Variants in ITPR2 observed in about 807,000 individuals in gnomAD.
ITPR2 encodes the protein inositol 1,4,5-trisphosphate receptor type 2.
Under a neutral mutation model 317.1 loss-of-function variants are expected in ITPR2, and 207 were observed. The ratio of observed to expected loss-of-function variants is 0.65; its 90% CI spans 0.58 to 0.73. The LOEUF is 0.73. Ranked by LOEUF, ITPR2 falls within the 30% of genes least tolerant of loss-of-function variation. ITPR2 has a pLI of 0.00. For synonymous variants in ITPR2, 1,156 were observed against 1,149.1 expected (o/e 1.01, Z -0.12); for missense variants, 2,613 against 3,284.0 (o/e 0.80, Z 4.99).
chr12:26,544,180 A>T (rs1944332256), intron 37 of ITPR2, among the ~76,000 whole-genome samples: 2 of 152,204 alleles, frequency 1.3e-5, no homozygotes, highest in South Asian at 2.1e-4. Flanking sequence ...ACAGAAAATT[A>T]AATTTTCCTT....
intron 48 of ITPR2, among the ~76,000 whole-genome samples, chr12:26,429,552 C>T (rs572615241): frequency 6.6e-6 from 1 of 152,262 alleles, no homozygotes; most frequent in Admixed American, 6.5e-5. Context: ...TCTCAAAGAG[C>T]CATAGAGTAA....
At chr12:26,435,193 C>T (rs1422693780) in intron 48 of ITPR2, among the ~76,000 whole-genome samples, 1 of 152,164 alleles carries the variant, frequency 6.6e-6, no homozygotes, top group African/African-American at 2.4e-5. Context: ...CTCCCATTTC[C>T]TTTTCTGCCC....
intron 21 of ITPR2, among the ~76,000 whole-genome samples, chr12:26,649,773 CTAGA>C (rs71069259): frequency 0.33 from 48,344 of 147,230 alleles, 7,841 homozygotes; most frequent in Non-Finnish European, 0.35. Context: ...GATAGATAGA[CTAGA>C]TAGATAGATA....
chr12:26,784,199 CTT>C (rs1950147129), intron 2 of ITPR2, among the ~76,000 whole-genome samples: 1 of 151,066 alleles, frequency 6.6e-6, no homozygotes, highest in African/African-American at 2.4e-5. Flanking sequence ...TTTCACAACT[CTT>C]CAGTACAGCT....
intron 1 of ITPR2, among the ~76,000 whole-genome samples, chr12:26,824,558 A>C (rs998956621): frequency 1.3e-5 from 2 of 152,216 alleles, no homozygotes; most frequent in African/African-American, 4.8e-5. Context: ...TAACTAGGAA[A>C]ATAATTTATT....
At chr12:26,364,529 C>G (rs1031049741) in intron 55 of ITPR2, among the ~76,000 whole-genome samples, 1 of 152,120 alleles carries the variant, frequency 6.6e-6, no homozygotes, top group Non-Finnish European at 1.5e-5. Flanking sequence ...TAAGCAAGCC[C>G]TTGTCTAAAC....
At chr12:26,383,788 ACCC>A (rs1296512232) in intron 55 of ITPR2, among the ~76,000 whole-genome samples, 2 of 151,348 alleles carry the variant, frequency 1.3e-5, no homozygotes, top group Non-Finnish European at 2.9e-5. Flanking sequence ...GAGCCACCAC[ACCC>A]AACCTCTATT....
chr12:26,359,908 C>T (rs888243133), intron 55 of ITPR2, among the ~76,000 whole-genome samples: 2 of 152,140 alleles, frequency 1.3e-5, no homozygotes, highest in African/African-American at 4.8e-5. Flanking sequence ...GAATGAGGAA[C>T]CCATTCTTCT....
At chr12:26,741,297 G>A (rs1426482300) in intron 2 of ITPR2, among the ~76,000 whole-genome samples, 2 of 152,224 alleles carry the variant, frequency 1.3e-5, no homozygotes, top group African/African-American at 4.8e-5. Flanking sequence ...AAGTTTAACA[G>A]GAGTAGCAAA....
intron 13 of ITPR2, among the ~76,000 whole-genome samples, chr12:26,667,533 G>A (rs553813085): frequency 1.2e-4 from 19 of 152,264 alleles, no homozygotes; most frequent in African/African-American, 4.3e-4. Flanking sequence ...CGTAAAACCC[G>A]TTTCATGTGC....
chr12:26,343,602 T>C (rs1037886551), intron 55 of ITPR2, among the ~76,000 whole-genome samples: 10 of 152,228 alleles, frequency 6.6e-5, no homozygotes, highest in African/African-American at 2.4e-4. Flanking sequence ...GGCTAATCTT[T>C]TAGATGAATT....
intron 55 of ITPR2, among the ~76,000 whole-genome samples, chr12:26,363,032 G>A (rs1565488925): frequency 6.6e-6 from 1 of 152,214 alleles, no homozygotes; most frequent in South Asian, 2.1e-4. Context: ...CCATGGACCA[G>A]TACCAGTCTG....
chr12:26,374,407 A>G (rs937516921), intron 55 of ITPR2, among the ~76,000 whole-genome samples: 2 of 152,244 alleles, frequency 1.3e-5, no homozygotes, highest in African/African-American at 4.8e-5. Context: ...CGCAGCATCT[A>G]GGACATTATA....
chr12:26,359,163 T>TA (rs1463856655), intron 55 of ITPR2, among the ~76,000 whole-genome samples: 1 of 152,240 alleles, frequency 6.6e-6, no homozygotes, highest in African/African-American at 2.4e-5. Context: ...AGGCTTTCTT[T>TA]AAATGCTAGC....
chr12:26,674,496 T>C (rs916726441), intron 13 of ITPR2, among the ~76,000 whole-genome samples: 1 of 152,204 alleles, frequency 6.6e-6, no homozygotes. Context: ...TAGCCATATG[T>C]AGAAAGCTGA....
intron 1 of ITPR2, among the ~76,000 whole-genome samples, chr12:26,812,678 T>C (rs1950777737): frequency 6.6e-6 from 1 of 152,260 alleles, no homozygotes; most frequent in Non-Finnish European, 1.5e-5. Context: ...ATGTCATTTC[T>C]TAACTCCAAA....
intron 37 of ITPR2, among the ~76,000 whole-genome samples, chr12:26,516,249 A>AGGG (rs1943493554): frequency 2.6e-5 from 1 of 38,774 alleles, no homozygotes; most frequent in Non-Finnish European, 6.3e-5. Flanking sequence ...AAGGAAAGGA[A>AGGG]AGGAAAGGAA....
chr12:26,433,240 C>A (rs918207631), intron 48 of ITPR2, among the ~76,000 whole-genome samples: 1 of 152,138 alleles, frequency 6.6e-6, no homozygotes, highest in African/African-American at 2.4e-5. Flanking sequence ...CTCTAAGCAC[C>A]CCATCCACTT....
intron 45 of ITPR2, among the ~76,000 whole-genome samples, 159 bp from the exon 46 acceptor site, chr12:26,443,809 G>T (rs1030318541): frequency 2.0e-5 from 3 of 152,130 alleles, no homozygotes; most frequent in Non-Finnish European, 2.9e-5. Context: ...TTGAAAGGCA[G>T]AGATAATGAA....
Sources: gnomAD v4.1 joint callset for allele counts (sites outside exome capture counted in the v4.1 genomes callset) on GRCh38, gnomAD v4.1.1 for gene constraint, MANE v1.5 for transcripts, NCBI Gene and HGNC (gene_info 2026-07-23, HGNC 2026-07-21) for gene names.